Variants in PHIP observed in about 807,000 individuals in gnomAD.
PHIP encodes PHIP subunit of CUL4-Ring ligase complex, also known as PH-interacting protein.
In PHIP, 54 loss-of-function variants were observed where a neutral mutation model predicts 236.8. The observed-to-expected ratio is 0.23, with a 90% CI of 0.18 to 0.29. The LOEUF (loss-of-function observed/expected upper bound fraction) is 0.29. PHIP is among the 10% of genes least tolerant of loss of function. The pLI is 1.00. For missense variants in PHIP, 1,370 were observed against 2,190.8 expected (o/e 0.63, Z 7.48); for synonymous variants, 756 against 718.9 (o/e 1.05, Z -0.83).
intron 4 of PHIP, among the ~76,000 whole-genome samples, chr6:79,069,046 C>T (rs973556116): frequency 6.6e-6 from 1 of 151,812 alleles, no homozygotes; most frequent in Non-Finnish European, 1.5e-5. Context: ...GCTAGTTACA[C>T]TTCTGCTCTC....
intron 31 of PHIP, among the ~76,000 whole-genome samples, chr6:78,959,719 T>C (rs1766650892): frequency 6.6e-6 from 1 of 152,172 alleles, no homozygotes; most frequent in African/African-American, 2.4e-5. Context: ...GTCTTTCAAA[T>C]GTTTTTTTCC....
chr6:79,075,933 A>C (rs1007832764), intron 4 of PHIP, among the ~76,000 whole-genome samples: 4 of 152,198 alleles, frequency 2.6e-5, no homozygotes, highest in Non-Finnish European at 4.4e-5. Flanking sequence ...GACTTCTATC[A>C]AGTATTTGTA....
In PHIP at chr6:79,008,188, T is replaced by TA. The variant is rs774861393; in HGVS notation, c.1525-4331dup. The stretch of plus-strand genomic sequence containing the variant: ...CCTGGTGACAGAGCAAGACTCCGTC[T>TA]AAAAAAAAAAAAAAATCCAAATTCC... On this transcript the variant is annotated intron_variant, in intron 15 of 39. Transcript: ENST00000275034. 4.0e-3 allele frequency among the ~76,000 whole-genome samples: 555 copies of TA among 138,784 alleles called. 3 individuals are homozygous for TA. The highest frequency in any genetic ancestry group is 7.4e-3 in the Middle Eastern group (2 of 270). The allele number at this position is 138,784 out of a possible 152,430, so 91.0% of individuals were successfully genotyped here.
Position 78,940,203 on chromosome 6 carries a change from C to A in PHIP, c.*490G>T, listed in dbSNP as rs1233862486. 1 of 152,010 alleles carries A rather than the reference C, an allele frequency of 6.6e-6. No individual in the cohort carries two copies. Among genetic ancestry groups the A allele is most frequent in the African/African-American group, 2.4e-5 (1 of 41,516 alleles). The allele number at this position is 152,010 out of a possible 1,614,324, so 9.4% of individuals were successfully genotyped here. ...TTTTATATTTATCTTTTAGAGGAAA[C>A]ATTTCTTAATTCACTGCTACTCTGT... On this transcript the variant is annotated 3_prime_UTR_variant, in exon 40 of 40. Transcript: ENST00000275034.
At chr6:78,948,240 TCTC>T (rs1773935518) in intron 35 of PHIP, among the ~76,000 whole-genome samples, 1 of 152,200 alleles carries the variant, frequency 6.6e-6, no homozygotes, top group Admixed American at 6.5e-5. Context: ...GTTCTAGTAA[TCTC>T]AACTTCAGTA....
intron 7 of PHIP, among the ~76,000 whole-genome samples, chr6:79,033,740 A>G (rs2127753657): frequency 6.6e-6 from 1 of 152,318 alleles, no homozygotes; most frequent in South Asian, 2.1e-4. Context: ...TCACTGGAGT[A>G]GCACGTTTAA....
intron 4 of PHIP, among the ~76,000 whole-genome samples, chr6:79,062,967 C>G (rs1175900301): frequency 1.3e-5 from 2 of 152,176 alleles, no homozygotes; most frequent in South Asian, 4.1e-4. Context: ...TTATACTCCT[C>G]GAATGTCCCT....
In PHIP at chr6:78,988,279, C is replaced by T. The variant is rs775026712; in HGVS notation, c.2390G>A (p.Arg797His). The change falls in exon 21 of 40, where the codon CGT (arginine) becomes CAT (histidine). Residue 797 changes from arginine to histidine, a missense_variant. Arg to His is a conservative substitution (Grantham distance 29). Around this residue, in one of 14 missense-constraint regions of PHIP, gnomAD observed 99 missense variants for 110.0 expected, o/e 0.90. Coordinates refer to ENST00000275034, the MANE Select transcript of PHIP (RefSeq NM_017934.7). ...AGTCTCTTCCAATGCAGATCTTGTA[C>T]GATAATTGTGTTGATTTGTCTGTTG... ...KKQQTNQHNY[R>H]TRSALEETPR... 29 of 1,607,260 alleles carry T rather than the reference C, an allele frequency of 1.8e-5. No individual in the cohort carries two copies. The highest frequency in any genetic ancestry group is 1.1e-4 in the African/African-American group (8 of 74,670).
chr6:79,009,336 T>C (rs1327279153), intron 15 of PHIP, among the ~76,000 whole-genome samples: 1 of 152,120 alleles, frequency 6.6e-6, no homozygotes, highest in Admixed American at 6.6e-5. Flanking sequence ...CTCTTGTTTA[T>C]AAAATTCATT....
chr6:79,043,087 A>G (rs564173750), intron 6 of PHIP, 84 bp from the exon 7 acceptor site: 2 of 1,067,594 alleles, frequency 1.9e-6, no homozygotes, highest in South Asian at 1.4e-5. Flanking sequence ...ACATACTCCA[A>G]TTTGTCATGT....
At chr6:79,009,308 T>C (rs929497212) in intron 15 of PHIP, among the ~76,000 whole-genome samples, 1 of 152,104 alleles carries the variant, frequency 6.6e-6, no homozygotes, top group Admixed American at 6.6e-5. Context: ...TCTTGACACT[T>C]AGCTTTTTAT....
At chr6:78,966,660 T>G (rs1483373611) in intron 27 of PHIP, among the ~76,000 whole-genome samples, 1 of 152,240 alleles carries the variant, frequency 6.6e-6, no homozygotes, top group Non-Finnish European at 1.5e-5. Flanking sequence ...CTTATCCAAT[T>G]GCTGTCGTCG....
chr6:79,017,483 A>T lies in PHIP; in HGVS notation c.1095T>A (p.Thr365=). 6.2e-7 allele frequency: 1 copy of T among 1,601,516 alleles called. No individual in the cohort carries two copies. The highest frequency in any genetic ancestry group is 8.6e-7 in the Non-Finnish European group (1 of 1,169,064). The change falls in exon 11 of 40, where the codon ACT becomes ACA. Residue 365 remains threonine, a splice_region_variant and synonymous_variant. Transcript: ENST00000275034. ...TCTAATTCTTTTCACCAATACTTAC[A>T]GTATGAAACTCCAATTCTGATATTT... ...PEKISELEFH[T]DKVDSIQFSN...
Position 78,955,246 on chromosome 6 carries a change from T to G in PHIP, c.3889A>C (p.Thr1297Pro). ...EKDADVPGTS[T>P]RKRKDHQPRR... Reference sequence around the variant, plus strand: ...AACTATATTACCTTCCTTTTTCGAGTAGAAGTTCCTGGCACATCAGCATCT... The same window carrying G: ...AACTATATTACCTTCCTTTTTCGAGGAGAAGTTCCTGGCACATCAGCATCT... Residue 1297 changes from threonine to proline, a missense_variant, in exon 34 of 40, where the codon ACT (threonine) becomes CCT (proline). Transcript: ENST00000275034. 1.2e-6 allele frequency: 2 copies of G among 1,608,408 alleles called. No homozygotes were observed. Among genetic ancestry groups the G allele is most frequent in the Non-Finnish European group, 1.7e-6 (2 of 1,175,998 alleles).
At chr6:78,963,656 A>C (rs1342640960) in intron 29 of PHIP, among the ~76,000 whole-genome samples, 1 of 152,184 alleles carries the variant, frequency 6.6e-6, no homozygotes, top group Non-Finnish European at 1.5e-5. Flanking sequence ...TCAAAGCTTC[A>C]ATTTTTGAAT....
chr6:78,990,160 T>C (rs1018130905), intron 20 of PHIP, among the ~76,000 whole-genome samples: 4 of 152,180 alleles, frequency 2.6e-5, no homozygotes, highest in East Asian at 3.8e-4. Flanking sequence ...TTGCTTTAGA[T>C]AGTGACTTGG....
intron 19 of PHIP, among the ~76,000 whole-genome samples, chr6:78,994,844 T>C (rs1562162927): frequency 6.6e-6 from 1 of 152,226 alleles, no homozygotes; most frequent in Non-Finnish European, 1.5e-5. Context: ...AAGGTTCAGA[T>C]GGTTGTTAGC....
chr6:78,965,777 A>C lies in PHIP; in HGVS notation c.3318-13T>G, dbSNP rs1300592997. ...TCCATTGTCCCAGCTTAAAGAAAGAAAAATCATTATATTAAAAAATCTAAA... is the reference window on the plus strand; with the variant it reads ...TCCATTGTCCCAGCTTAAAGAAAGACAAATCATTATATTAAAAAATCTAAA... On this transcript the variant is annotated splice_polypyrimidine_tract_variant and intron_variant, in intron 28 of 39. Coordinates refer to ENST00000275034, the MANE Select transcript of PHIP (RefSeq NM_017934.7). The C allele has an allele frequency of 1.4e-6, 2 of 1,464,058 alleles. No individual in the cohort carries two copies. The highest frequency in any genetic ancestry group is 1.9e-6 in the Non-Finnish European group (2 of 1,055,966). The allele number at this position is 1,464,058 out of a possible 1,614,324, so 90.7% of individuals were successfully genotyped here. A position where few individuals can be genotyped will look rare whatever the true frequency, so the allele number is the denominator to read the frequency against.
chr6:78,962,191 T>G (rs948596639), intron 30 of PHIP, among the ~76,000 whole-genome samples: 5 of 152,256 alleles, frequency 3.3e-5, no homozygotes, highest in African/African-American at 1.2e-4. Flanking sequence ...AACCTTTGAC[T>G]TTCTCAAACG....
Sources: allele counts gnomAD v4.1 joint callset (sites outside exome capture counted in the v4.1 genomes callset), GRCh38; gene constraint gnomAD v4.1.1; regional missense constraint gnomAD v4.1.1; transcripts MANE v1.5; gene names NCBI Gene and HGNC (gene_info 2026-07-23, HGNC 2026-07-21).